RYR2: variants seen among roughly 807,000 people sequenced by gnomAD.
The protein encoded by RYR2 is cardiac muscle ryanodine receptor-calcium release channel.
A neutral mutation model predicts 601.1 loss-of-function variants in RYR2; 227 were observed. The ratio of observed to expected loss-of-function variants is 0.38; its 90% CI spans 0.34 to 0.42. The LOEUF (loss-of-function observed/expected upper bound fraction) is 0.42. Among genes scored for constraint, RYR2 ranks in the 10% least tolerant of loss-of-function variants. The pLI is 1.00. For synonymous variants in RYR2, 2,223 were observed against 2,175.1 expected, an observed-to-expected ratio of 1.02 and a Z score of -0.61; for missense variants, 4,646 against 6,156.5, an observed-to-expected ratio of 0.75 and a Z score of 8.21.
At chr1:237,355,875 A>C in intron 3 of RYR2, 90 bp from the exon 4 acceptor site, 2 of 1,193,452 alleles carry the variant, frequency 1.7e-6, no homozygotes, top group Admixed American at 2.1e-5. Flanking sequence ...GCAAGGACCA[A>C]ATTGATATCA....
intron 104 of RYR2, 98 bp downstream of exon 104, chr1:237,831,663 A>T: frequency 1.4e-6 from 1 of 696,636 alleles, no homozygotes; most frequent in Non-Finnish European, 2.5e-6. Flanking sequence ...GCACGGAATT[A>T]CTTTCAGATA....
chr1:237,729,103 C>G (rs184231422), intron 76 of RYR2, among the ~76,000 whole-genome samples: 4 of 152,182 alleles, frequency 2.6e-5, no homozygotes, highest in Admixed American at 6.5e-5. Flanking sequence ...GTCGCTTGTT[C>G]CTTGCCTCAT....
At chr1:237,795,836 G>GTGTGTGTATA (rs371932356) in intron 96 of RYR2, among the ~76,000 whole-genome samples, 6 of 132,670 alleles carry the variant, frequency 4.5e-5, no homozygotes, top group African/African-American at 1.7e-4. Context: ...GTGTGTGTGT[G>GTGTGTGTATA]TATATATATA....
At position 237,703,104 on chromosome 1, in the gene RYR2, A is replaced by G. The variant is rs74149910; in HGVS notation, c.9449+1045A>G. Among the ~76,000 whole-genome samples the G allele has an allele frequency of 3.3e-3, 498 of 151,972 alleles. 4 individuals carry two copies. Among genetic ancestry groups the G allele is most frequent in the African/African-American group, 0.011 (466 of 41,534 alleles). On this transcript the variant is annotated intron_variant, in intron 66 of 104. Coordinates refer to ENST00000366574, the MANE Select transcript of RYR2 (RefSeq NM_001035.3). ...GATCTATGTTCATAGATTCCATTGT[A>G]TTTTTATGCTTATTTCCCTTAGCTG...
intron 62 of RYR2, among the ~76,000 whole-genome samples, chr1:237,681,616 G>A (rs1455679046): frequency 1.3e-5 from 2 of 152,168 alleles, no homozygotes; most frequent in African/African-American, 4.8e-5. Flanking sequence ...ATAACAGCAG[G>A]AATCCATCCC....
chr1:237,539,607 G>T (rs1457883582), intron 25 of RYR2, among the ~76,000 whole-genome samples: 2 of 152,108 alleles, frequency 1.3e-5, no homozygotes, highest in Non-Finnish European at 2.9e-5. Context: ...ACCAAACACT[G>T]CATGTTCTCA....
intron 54 of RYR2, among the ~76,000 whole-genome samples, chr1:237,658,260 T>A (rs576523084): frequency 6.6e-6 from 1 of 152,074 alleles, no homozygotes; most frequent in African/African-American, 2.4e-5. Flanking sequence ...ATCTATTCAT[T>A]AAATTATAAA....
chr1:237,210,966 G>T (rs939153861), intron 1 of RYR2, among the ~76,000 whole-genome samples: 1 of 152,180 alleles, frequency 6.6e-6, no homozygotes, highest in Non-Finnish European at 1.5e-5. Context: ...GGAGCTTAGC[G>T]AGTTAGCTGT....
intron 63 of RYR2, among the ~76,000 whole-genome samples, chr1:237,695,944 C>A (rs1277435438): frequency 6.6e-6 from 1 of 152,124 alleles, no homozygotes; most frequent in Non-Finnish European, 1.5e-5. Context: ...TTCATATTCC[C>A]AATACACAGT....
intron 2 of RYR2, among the ~76,000 whole-genome samples, chr1:237,293,760 C>T (rs570671181): frequency 3.9e-5 from 6 of 152,268 alleles, no homozygotes; most frequent in Non-Finnish European, 8.8e-5. Context: ...TCCTGTCCAG[C>T]GCATTACCCT....
intron 29 of RYR2, among the ~76,000 whole-genome samples, chr1:237,587,492 A>T (rs1019219989): frequency 1.1e-4 from 17 of 152,148 alleles, no homozygotes; most frequent in Admixed American, 2.6e-4. Context: ...TTAAATAAAA[A>T]CCCTGCTGCT....
At chr1:237,350,582 A>T (rs1698689319) in intron 3 of RYR2, among the ~76,000 whole-genome samples, 1 of 81,886 alleles carries the variant, frequency 1.2e-5, no homozygotes, top group African/African-American at 4.6e-5. Flanking sequence ...AAAAAAAAAA[A>T]AAAAAAAAAA....
chr1:237,177,028 T>G (rs6667669), intron 1 of RYR2, among the ~76,000 whole-genome samples: 5,184 of 152,306 alleles, frequency 0.034, 311 homozygotes, highest in African/African-American at 0.12. Flanking sequence ...GATCTTTTTG[T>G]AAACAAAAAC....
Position 237,595,537 on chromosome 1 carries a change from G to A in RYR2, c.4476G>A (p.Glu1492=), listed in dbSNP as rs1294272754. The A allele has an allele frequency of 6.2e-7, 1 of 1,613,650 alleles. No individual in the cohort carries two copies. The highest frequency in any genetic ancestry group is 8.5e-7 in the Non-Finnish European group (1 of 1,179,740). ...ACTGCTATATGGTATGTGCGGGTGA[G>A]AGCATGAGCCCCGGGCAAGGACGCA... The part of the protein sequence containing the change: ...RSNCYMVCAG[E]SMSPGQGRNN... Residue 1492 remains glutamate (E), a synonymous_variant, in exon 34 of 105, where the codon GAG becomes GAA. Coordinates refer to ENST00000366574, the MANE Select transcript of RYR2 (RefSeq NM_001035.3).
chr1:237,728,390 C>T (rs1690377160), intron 76 of RYR2, among the ~76,000 whole-genome samples: 1 of 152,054 alleles, frequency 6.6e-6, no homozygotes, highest in Admixed American at 6.6e-5. Context: ...ACCTTAATAT[C>T]TAGAACCAGA....
chr1:237,414,636 G>A (rs1160780084), intron 10 of RYR2, among the ~76,000 whole-genome samples: 1 of 152,100 alleles, frequency 6.6e-6, no homozygotes, highest in Non-Finnish European at 1.5e-5. Context: ...TCAGCCGTTG[G>A]CATGTATATC....
intron 23 of RYR2, among the ~76,000 whole-genome samples, chr1:237,507,103 C>T (rs999783739): frequency 2.4e-4 from 37 of 152,184 alleles, no homozygotes; most frequent in African/African-American, 8.4e-4. Context: ...TTAACATATA[C>T]AGATAATAGG....
At chr1:237,528,868 G>A (rs1431543437) in intron 24 of RYR2, among the ~76,000 whole-genome samples, 2 of 152,154 alleles carry the variant, frequency 1.3e-5, no homozygotes, top group East Asian at 3.9e-4. Flanking sequence ...ATCAGCTTGG[G>A]AAGACACATT....
At chr1:237,228,420 G>A (rs1303392785) in intron 1 of RYR2, among the ~76,000 whole-genome samples, 2 of 151,998 alleles carry the variant, frequency 1.3e-5, no homozygotes, top group African/African-American at 2.4e-5. Flanking sequence ...ATTTTGAATT[G>A]TGCTGCTATT....
Sources: allele counts gnomAD v4.1 joint callset (sites outside exome capture counted in the v4.1 genomes callset), GRCh38; gene constraint gnomAD v4.1.1; transcripts MANE v1.5; gene names NCBI Gene and HGNC (gene_info 2026-07-23, HGNC 2026-07-21).